The following MUC22 variants were observed in gnomAD, a reference collection of about 807,000 sequenced individuals.
The protein encoded by MUC22 is mucin-22.
A neutral mutation model predicts 40.3 loss-of-function variants in MUC22; 24 were observed. The observed-to-expected ratio is 0.60, with a 90% CI of 0.43 to 0.84. The LOEUF (loss-of-function observed/expected upper bound fraction) is 0.84, where lower values mean the gene tolerates loss of function less well. Ranked by LOEUF, MUC22 falls within the 40% of genes least tolerant of loss-of-function variation. MUC22 has a pLI of 0.00. For missense variants in MUC22, 1,926 were observed against 2,130.7 expected (o/e 0.90, Z 1.89); for synonymous variants, 765 against 844.5 (o/e 0.91, Z 1.63).
Position 31,032,391 on chromosome 6 carries a change from G to A in MUC22, c.4865G>A (p.Arg1622His), listed in dbSNP as rs921507323. Residue 1622 changes from arginine (R) to histidine (H), a missense_variant, in exon 3 of 4, where the codon CGT becomes CAT. By Grantham distance (29) the Arg-to-His change is conservative. Coordinates refer to ENST00000561890, the Ensembl canonical transcript of MUC22. The surrounding 1 kb of genome is among the most constrained non-coding windows in gnomAD (Gnocchi z 4.1). ...GTCAGGACCACCACAGGATCCACCCGTGAGCCAACCAGCAGCACCTTCCAG... is the reference window on the plus strand; with the variant it reads ...GTCAGGACCACCACAGGATCCACCCATGAGCCAACCAGCAGCACCTTCCAG... 4 of 1,535,700 alleles carry A rather than the reference G, an allele frequency of 2.6e-6. No individual in the cohort carries two copies. The highest frequency in any genetic ancestry group is 2.0e-5 in the Admixed American group (1 of 50,994).
exon 2 of MUC22, chr6:31,026,043 GGCC>G: frequency 1.3e-6 from 2 of 1,530,362 alleles, no homozygotes; most frequent in African/African-American, 2.7e-5. Context: ...CAAGCTCTGA[GGCC>G]ACTAAAGTCT....
At chr6:31,021,090 C>G (rs1297825095) in intron 1 of MUC22, among the ~76,000 whole-genome samples, 1 of 152,256 alleles carries the variant, frequency 6.6e-6, no homozygotes, top group African/African-American at 2.4e-5. Context: ...CGACCGCCCA[C>G]GGGCTGAGGA....
rs1414673491 is a variant in MUC22 at position 31,026,387 on chromosome 6, C to T, written c.956C>T (p.Thr319Ile). 1.3e-6 allele frequency: 2 copies of T among 1,508,234 alleles called. No homozygotes were observed. Among genetic ancestry groups the T allele is most frequent in the African/African-American group, 1.4e-5 (1 of 72,104 alleles). The allele number at this position is 1,508,234 out of a possible 1,614,324, so 93.4% of individuals were successfully genotyped here. ...TCTATTTCAGGTTCTGAGATCACCA[C>T]CACCTCTACGGCAGGATCCGAGAAC... is the stretch of plus-strand genomic sequence containing the variant. The change falls in exon 2 of 4, where the codon ACC (threonine) becomes ATC (isoleucine). Residue 319 changes from threonine (T) to isoleucine (I), a missense_variant. Coordinates refer to ENST00000561890, the Ensembl canonical transcript of MUC22.
rs1217415499 is a variant in MUC22 at position 31,027,222 on chromosome 6, A to G, written c.1791A>G (p.Thr597=). The G allele has an allele frequency of 2.7e-6, 4 of 1,501,828 alleles. No individual in the cohort carries two copies. In the Admixed American group the frequency reaches 6.1e-5, roughly 23 times the overall value. 93.0% of individuals were successfully genotyped at this position (1,501,828 alleles called of 1,614,324 possible). ...CTACCGTAGGCTCTGAGACCACCAC[A>G]GTCTCTACCACAGGCTCTGAGACCA... Residue 597 remains threonine (T), a synonymous_variant, in exon 2 of 4, where the codon ACA becomes ACG. Transcript: ENST00000561890.
At chr6:31,034,631 CTT>C (rs1562628702) in intron 3 of MUC22, 39 bp from the exon 4 acceptor site, 1 of 1,489,286 alleles carries the variant, frequency 6.7e-7, no homozygotes, top group East Asian at 2.5e-5. Flanking sequence ...GGAGAGGAGA[CTT>C]AATTTTCATT....
exon 2 of MUC22, chr6:31,027,778 T>C (rs1487934444): frequency 1.3e-6 from 2 of 1,531,876 alleles, no homozygotes; most frequent in African/African-American, 2.8e-5. Flanking sequence ...TACTGAAGGC[T>C]CTGAGAACAC....
Position 31,030,013 on chromosome 6 carries a change from GC to G in MUC22, c.4584del (p.Ser1529ProfsTer63). The G allele has an allele frequency of 6.5e-7, 1 of 1,535,812 alleles. No homozygotes were observed. Among genetic ancestry groups the G allele is most frequent in the South Asian group, 1.2e-5 (1 of 84,060 alleles). ...TATCACAGCTTCTGGGGCCACTGCA[GC>G]CTCCACCACTGTCTCTTCCACCACG... is the stretch of plus-strand genomic sequence containing the variant. On this transcript the variant is annotated frameshift_variant, in exon 2 of 4. Coordinates refer to ENST00000561890, the Ensembl canonical transcript of MUC22. LOFTEE classifies it high-confidence loss of function.
rs550589877 is a variant in MUC22 at position 31,027,064 on chromosome 6, C to A, written c.1633C>A (p.Pro545Thr). Residue 545 changes from proline to threonine, a missense_variant, in exon 2 of 4, where the codon CCT (proline) becomes ACT (threonine). Pro to Thr is a conservative substitution (Grantham distance 38). Around this residue, in one of 3 missense-constraint regions of MUC22, gnomAD observed 1,281 missense variants for 1,337.8 expected, o/e 0.96. Transcript: ENST00000561890. ...CGCAGCCTCTACTACAGGCTCTGAG[C>A]CTACCATGGCATCCACCATGGGCTC... 1.3e-5 allele frequency: 19 copies of A among 1,487,172 alleles called. 1 individual carries two copies. In the Admixed American group the frequency reaches 2.9e-4, roughly 23 times the overall value. The allele number at this position is 1,487,172 out of a possible 1,614,324, so 92.1% of individuals were successfully genotyped here.
exon 2 of MUC22, chr6:31,027,243 G>GACC: frequency 6.6e-7 from 1 of 1,509,768 alleles, no homozygotes; most frequent in Non-Finnish European, 8.9e-7. Context: ...CAGGCTCTGA[G>GACC]ACCACCACAG....
At chr6:31,024,567 A>G (rs1291044469) in intron 1 of MUC22, among the ~76,000 whole-genome samples, 1 of 152,170 alleles carries the variant, frequency 6.6e-6, no homozygotes, top group African/African-American at 2.4e-5. Flanking sequence ...CTAAACTCTG[A>G]GTATACCCCT....
intron 1 of MUC22, among the ~76,000 whole-genome samples, chr6:31,022,408 C>T (rs996162738): frequency 6.6e-6 from 1 of 152,128 alleles, no homozygotes. Context: ...CTGCCTGCCT[C>T]TGCTTCCCAA....
intron 1 of MUC22, among the ~76,000 whole-genome samples, chr6:31,021,084 C>T (rs1243280240): frequency 3.3e-5 from 5 of 152,248 alleles, no homozygotes; most frequent in East Asian, 1.9e-4. Flanking sequence ...TCCCACCGAC[C>T]GCCCACGGGC....
upstream of MUC22, among the ~76,000 whole-genome samples, chr6:31,009,902 C>T (rs190445242): frequency 4.7e-4 from 71 of 152,238 alleles, no homozygotes; most frequent in African/African-American, 1.6e-3. Flanking sequence ...TACTCACTTC[C>T]GCTTGATACT....
At chr6:31,029,192 A>G (rs763596102) in exon 2 of MUC22, 4 of 1,535,070 alleles carry the variant, frequency 2.6e-6, no homozygotes, top group South Asian at 1.2e-5. Flanking sequence ...GAAGGCTCTG[A>G]GACCACTACA....
Position 31,029,709 on chromosome 6 carries a change from C to G in MUC22, c.4278C>G (p.Thr1426=). The change falls in exon 2 of 4, where the codon ACC becomes ACG. Residue 1426 remains threonine, a synonymous_variant. Coordinates refer to ENST00000561890, the Ensembl canonical transcript of MUC22. ...CCTCTGCTGCAGGCTCTGAGGCCAC[C>G]ACCACCTCTACTGAAGGCTCTGAGA... 3 of 1,534,250 alleles carry G rather than the reference C, an allele frequency of 2.0e-6. No homozygotes were observed. The South Asian group carries it at 3.6e-5, about 18-fold the overall frequency.
At chr6:31,034,673 G>T in exon 4 of MUC22, 1 of 1,528,820 alleles carries the variant, frequency 6.5e-7, no homozygotes, top group Non-Finnish European at 8.7e-7. Context: ...TTCTTTTAGA[G>T]AAACCTTTTC....
At chr6:31,029,825 C>T (rs1765906994) in exon 2 of MUC22, 1 of 1,533,642 alleles carries the variant, frequency 6.5e-7, no homozygotes, top group African/African-American at 1.4e-5. Context: ...GGCTCTGAGA[C>T]CAACACAGCC....
At chr6:31,017,744 A>AACAG (rs9281101) in intron 1 of MUC22, among the ~76,000 whole-genome samples, 58,052 of 151,474 alleles carry the variant, frequency 0.38, 11,258 homozygotes, top group East Asian at 0.47. Context: ...CTCTCTGTAA[A>AACAG]ACCAATCGGC....
exon 2 of MUC22, chr6:31,026,097 T>C (rs751207407): frequency 1.1e-5 from 17 of 1,528,146 alleles, no homozygotes; most frequent in African/African-American, 5.6e-5. Flanking sequence ...CTACTGCAGG[T>C]TCTGAGACCA....
Sources: gnomAD v4.1 joint callset for allele counts (sites outside exome capture counted in the v4.1 genomes callset) on GRCh38, gnomAD v4.1.1 for gene constraint, gnomAD v4.1.1 regional missense constraint, Gnocchi (gnomAD v3.1) non-coding constraint, MANE v1.5 for transcripts, NCBI Gene and HGNC (gene_info 2026-07-23, HGNC 2026-07-21) for gene names.